Variants in SLC9A9 observed in about 807,000 individuals in gnomAD.
The protein encoded by SLC9A9 is sodium/hydrogen exchanger 9.
A neutral mutation model predicts 77.8 loss-of-function variants in SLC9A9; 62 were observed. That is an observed-to-expected ratio of 0.80 (90% CI 0.65 to 0.98). The LOEUF (loss-of-function observed/expected upper bound fraction) is 0.98, where lower values mean the gene tolerates loss of function less well. SLC9A9 is among the 50% of genes least tolerant of loss of function. The probability of loss-of-function intolerance (pLI) is 0.00; values close to 1 mark genes in which losing one functional copy is unlikely to be tolerated. For synonymous variants in SLC9A9, 320 were observed against 283.5 expected, an observed-to-expected ratio of 1.13 and a Z score of -1.29; for missense variants, 775 against 774.9, an observed-to-expected ratio of 1.00 and a Z score of 0.00.
intron 9 of SLC9A9, among the ~76,000 whole-genome samples, chr3:143,547,771 T>C (rs1472760674): frequency 6.6e-6 from 1 of 152,234 alleles, no homozygotes; most frequent in Non-Finnish European, 1.5e-5. Flanking sequence ...AATCTAATAT[T>C]ACAAGCCTGC....
At chr3:143,518,416 A>G (rs2036240511) in intron 9 of SLC9A9, among the ~76,000 whole-genome samples, 1 of 152,240 alleles carries the variant, frequency 6.6e-6, no homozygotes, top group Non-Finnish European at 1.5e-5. Context: ...ACATACAACA[A>G]ATATCTATAT....
chr3:143,436,805 T>A (rs2108541016), intron 12 of SLC9A9, among the ~76,000 whole-genome samples: 1 of 152,344 alleles, frequency 6.6e-6, no homozygotes, highest in Middle Eastern at 3.4e-3. Context: ...TCAGCTGGGA[T>A]GAGTTGGCTG....
chr3:143,576,444 G>T lies in SLC9A9; in HGVS notation c.894+2141C>A, dbSNP rs183888575. Among the ~76,000 whole-genome samples the T allele has an allele frequency of 1.4e-4, 22 of 152,208 alleles. No homozygotes were observed. The East Asian group carries it at 4.3e-3, about 29-fold the overall frequency. On this transcript the variant is annotated intron_variant, in intron 7 of 15. Transcript: ENST00000316549. ...CCTCCTTGAGCCTCAGTTTCCTCGG[G>T]TGTAAGGTGAGGAGGACAATAACTT... is the stretch of plus-strand genomic sequence containing the variant.
At chr3:143,366,544 T>G (rs1015275430) in intron 13 of SLC9A9, among the ~76,000 whole-genome samples, 5 of 152,188 alleles carry the variant, frequency 3.3e-5, no homozygotes, top group Non-Finnish European at 1.5e-5. Flanking sequence ...GTAAAATGAA[T>G]TGAGGAAATT....
intron 4 of SLC9A9, among the ~76,000 whole-genome samples, chr3:143,696,806 T>C (rs772216715): frequency 7.2e-5 from 11 of 152,118 alleles, no homozygotes; most frequent in Non-Finnish European, 1.6e-4. Context: ...TATATGTATA[T>C]ATACTACCAA....
chr3:143,281,675 C>T (rs1295303585), intron 14 of SLC9A9, among the ~76,000 whole-genome samples: 2 of 152,182 alleles, frequency 1.3e-5, no homozygotes, highest in African/African-American at 2.4e-5. Context: ...GACTTTAGAT[C>T]AAGATTCAGG....
chr3:143,398,420 A>G (rs1471087383), intron 12 of SLC9A9, among the ~76,000 whole-genome samples: 1 of 152,200 alleles, frequency 6.6e-6, no homozygotes, highest in Admixed American at 6.6e-5. Context: ...GAAGGCAGGC[A>G]GCGGGTGAAA....
chr3:143,765,382 G>A (rs1196215426), intron 4 of SLC9A9, among the ~76,000 whole-genome samples: 1 of 152,070 alleles, frequency 6.6e-6, no homozygotes, highest in Non-Finnish European at 1.5e-5. Context: ...TCGTATGAGT[G>A]TCACACTGTC....
rs114164555 is a variant in SLC9A9, at chr3:143,558,397, G to T, written c.1001-5947C>A. On this transcript the variant is annotated intron_variant, in intron 8 of 15. Coordinates refer to ENST00000316549, the MANE Select transcript of SLC9A9 (RefSeq NM_173653.4). ...TGTAGATCCACTGACAGCTTGCACC[G>T]TGCACCTGGAAAAGCAACAGACACC... 9.5e-3 allele frequency among the ~76,000 whole-genome samples: 1,446 copies of T among 152,178 alleles called. 26 individuals are homozygous for T. Among genetic ancestry groups the T allele is most frequent in the African/African-American group, 0.033 (1,371 of 41,506 alleles).
chr3:143,523,627 A>G (rs1334082100), intron 9 of SLC9A9, among the ~76,000 whole-genome samples: 2 of 152,306 alleles, frequency 1.3e-5, no homozygotes, highest in African/African-American at 2.4e-5. Flanking sequence ...GTAAAATTGG[A>G]GAATTTAATA....
chr3:143,727,946 T>C (rs951095581), intron 4 of SLC9A9, among the ~76,000 whole-genome samples: 1 of 152,246 alleles, frequency 6.6e-6, no homozygotes, highest in Non-Finnish European at 1.5e-5. Flanking sequence ...CATGGCCCCA[T>C]GCCTATTAAG....
chr3:143,829,679 G>A (rs1296493266), intron 2 of SLC9A9, among the ~76,000 whole-genome samples: 1 of 152,068 alleles, frequency 6.6e-6, no homozygotes, highest in Admixed American at 6.5e-5. Context: ...ATTAATTCCT[G>A]GCATATATTA....
At chr3:143,820,835 C>A (rs543522815) in intron 2 of SLC9A9, among the ~76,000 whole-genome samples, 88 of 151,760 alleles carry the variant, frequency 5.8e-4, no homozygotes, top group African/African-American at 2.1e-3. Flanking sequence ...TTTTTTATTA[C>A]AGGCAAAAGA....
intron 9 of SLC9A9, among the ~76,000 whole-genome samples, chr3:143,529,889 T>G (rs1448576318): frequency 6.6e-6 from 1 of 152,166 alleles, no homozygotes; most frequent in African/African-American, 2.4e-5. Context: ...CCTATTTTGT[T>G]TCTGAATTTC....
chr3:143,517,473 G>C (rs112095844), intron 9 of SLC9A9: 2 of 1,597,748 alleles, frequency 1.3e-6, no homozygotes, highest in Non-Finnish European at 1.7e-6. Flanking sequence ...TTCTTAACTC[G>C]TTCTGTTCTT....
chr3:143,346,300 C>G (rs1010775728), intron 14 of SLC9A9, among the ~76,000 whole-genome samples: 2 of 152,064 alleles, frequency 1.3e-5, no homozygotes, highest in Non-Finnish European at 2.9e-5. Flanking sequence ...AGGATGAAAA[C>G]CAAAACTTTA....
At chr3:143,604,466 A>C (rs2037890960) in intron 6 of SLC9A9, among the ~76,000 whole-genome samples, 1 of 152,228 alleles carries the variant, frequency 6.6e-6, no homozygotes, top group South Asian at 2.1e-4. Flanking sequence ...GCAAGCTGGG[A>C]GTGCTAGTGA....
intron 14 of SLC9A9, among the ~76,000 whole-genome samples, chr3:143,349,595 G>A (rs1000549466): frequency 5.3e-5 from 8 of 152,164 alleles, no homozygotes; most frequent in African/African-American, 1.7e-4. Flanking sequence ...ATGAAATCAA[G>A]GTTCAGAGAG....
intron 12 of SLC9A9, among the ~76,000 whole-genome samples, chr3:143,428,955 C>T (rs1329996557): frequency 6.6e-6 from 1 of 152,062 alleles, no homozygotes; most frequent in Non-Finnish European, 1.5e-5. Flanking sequence ...TCAATAGGTA[C>T]AAATGTTAGA....
Sources: gnomAD v4.1 joint callset for allele counts (sites outside exome capture counted in the v4.1 genomes callset) on GRCh38, gnomAD v4.1.1 for gene constraint, MANE v1.5 for transcripts, NCBI Gene and HGNC (gene_info 2026-07-23, HGNC 2026-07-21) for gene names.